ARHGAP35: variants seen among roughly 807,000 people sequenced by gnomAD.
ARHGAP35 encodes the protein Rho GTPase activating protein 35.
In ARHGAP35, 15 loss-of-function variants were observed where a neutral mutation model predicts 111.1. The ratio of observed to expected loss-of-function variants is 0.13; its 90% confidence interval spans 0.09 to 0.21. ARHGAP35 has a LOEUF of 0.21. ARHGAP35 is among the 10% of genes least tolerant of loss of function. The pLI, the probability that ARHGAP35 is intolerant of heterozygous loss-of-function variation, is 1.00. For synonymous variants in ARHGAP35, 643 were observed against 710.3 expected (o/e 0.91, Z 1.51); for missense variants, 1,262 against 1,873.0 (o/e 0.67, Z 6.02).
At position 46,921,873 on chromosome 19, in the gene ARHGAP35, A is replaced by G. The variant is rs1043226088; in HGVS notation, c.3198A>G (p.Gly1066=). The part of the protein sequence containing the change: ...LSYLDQGHRD[G]QRKSVSSSPW... ...ATTTAGACCAAGGCCATAGGGATGG[A>G]CAGAGGAAGTCTGTGTCTTCTAGCC... The change falls in exon 2 of 7, where the codon GGA becomes GGG. Residue 1066 remains glycine, a synonymous_variant. Transcript: ENST00000672722. This position sits in a 1 kb window ranked among gnomAD's most constrained non-coding sequence, Gnocchi z 4.3. The G allele has an allele frequency of 3.7e-6, 6 of 1,613,902 alleles. No individual in the cohort carries two copies. The African/African-American group carries it at 6.7e-5, about 18-fold the overall frequency.
Position 46,922,116 on chromosome 19 carries a change from C to T in ARHGAP35, c.3441C>T (p.Arg1147=). The change falls in exon 2 of 7, where the codon CGC becomes CGT. Residue 1147 remains arginine, a synonymous_variant. Transcript: ENST00000672722. This position sits in a 1 kb window ranked among gnomAD's most constrained non-coding sequence, Gnocchi z 4.0. ...EMDTSSLERG[R]KVSIVSKPVL... ...ACACCAGCTCTCTAGAGCGAGGGCG[C>T]AAGGTTTCCATCGTGAGCAAGCCAG... The T allele has an allele frequency of 6.2e-7, 1 of 1,614,012 alleles. No homozygotes were observed.
intron 3 of ARHGAP35, among the ~76,000 whole-genome samples, chr19:46,984,961 G>A (rs1003687981): frequency 6.6e-6 from 1 of 152,216 alleles, no homozygotes; most frequent in Non-Finnish European, 1.5e-5. Context: ...TCTGCAGCTC[G>A]GAGACTGCCT....
intron 1 of ARHGAP35, among the ~76,000 whole-genome samples, chr19:46,862,211 C>G (rs1020050216): frequency 1.3e-5 from 2 of 152,158 alleles, no homozygotes; most frequent in Admixed American, 1.3e-4. Context: ...CCTCCTCCCC[C>G]TTCTCTGACT....
chr19:46,866,285 A>G (rs2055856377), intron 1 of ARHGAP35, among the ~76,000 whole-genome samples: 1 of 152,046 alleles, frequency 6.6e-6, no homozygotes, highest in African/African-American at 2.4e-5. Context: ...TAGCACAAAT[A>G]CCTCCTTTGA....
intron 3 of ARHGAP35, among the ~76,000 whole-genome samples, chr19:46,987,074 C>T (rs985263842): frequency 6.0e-5 from 9 of 150,922 alleles, no homozygotes; most frequent in African/African-American, 2.2e-4. Flanking sequence ...GCTATCCACC[C>T]ACCTCGACCT....
intron 3 of ARHGAP35, among the ~76,000 whole-genome samples, chr19:46,940,866 T>A (rs1200461303): frequency 6.6e-6 from 1 of 152,174 alleles, no homozygotes; most frequent in Non-Finnish European, 1.5e-5. Context: ...CCACTTCATC[T>A]CTGCTGCCCA....
chr19:46,962,405 C>A (rs895304268), intron 3 of ARHGAP35, among the ~76,000 whole-genome samples: 1 of 152,196 alleles, frequency 6.6e-6, no homozygotes, highest in African/African-American at 2.4e-5. Context: ...GACAATGTCT[C>A]TCACCTTGAG....
At chr19:46,954,407 A>G (rs921526609) in intron 3 of ARHGAP35, among the ~76,000 whole-genome samples, 3 of 152,206 alleles carry the variant, frequency 2.0e-5, no homozygotes, top group African/African-American at 7.2e-5. Flanking sequence ...GAACACAGCA[A>G]TTGGGTCAGC....
At chr19:46,984,535 C>CT (rs2056638583) in intron 3 of ARHGAP35, among the ~76,000 whole-genome samples, 1 of 152,126 alleles carries the variant, frequency 6.6e-6, no homozygotes, top group African/African-American at 2.4e-5. Flanking sequence ...TTTTTTTAAT[C>CT]TTTTTTTAAT....
At chr19:46,984,123 C>T (rs2056636415) in intron 3 of ARHGAP35, among the ~76,000 whole-genome samples, 1 of 152,126 alleles carries the variant, frequency 6.6e-6, no homozygotes, top group African/African-American at 2.4e-5. Flanking sequence ...ACAGAAAAGG[C>T]CTGCAGCCAA....
At position 47,000,302 on chromosome 19, in the gene ARHGAP35, C is replaced by G. The variant is rs776869128; in HGVS notation, c.4143-29C>G. ...GGGCCAGGTGGGGCCCTGCACAGTTCTGACCATTGAGTTTGGTGTCGCCCG... is the reference window on the plus strand; with the variant it reads ...GGGCCAGGTGGGGCCCTGCACAGTTGTGACCATTGAGTTTGGTGTCGCCCG... On this transcript the variant is annotated intron_variant, in intron 6 of 6. Coordinates refer to ENST00000672722, the MANE Select transcript of ARHGAP35 (RefSeq NM_004491.5). This position sits in a 1 kb window ranked among gnomAD's most constrained non-coding sequence, Gnocchi z 6.9. 6.2e-7 allele frequency: 1 copy of G among 1,608,256 alleles called. No individual in the cohort carries two copies. The highest frequency in any genetic ancestry group is 2.2e-5 in the East Asian group (1 of 44,856).
chr19:46,927,144 T>C (rs1232304259), intron 2 of ARHGAP35, among the ~76,000 whole-genome samples: 1 of 152,228 alleles, frequency 6.6e-6, no homozygotes, highest in Non-Finnish European at 1.5e-5. Flanking sequence ...TTGTGTCTTT[T>C]AAACGAGGTA....
chr19:46,981,518 C>G (rs1243953416), intron 3 of ARHGAP35, among the ~76,000 whole-genome samples: 1 of 152,198 alleles, frequency 6.6e-6, no homozygotes, highest in Non-Finnish European at 1.5e-5. Flanking sequence ...TGACGCTGGC[C>G]GACAGCACTG....
chr19:46,956,321 A>G (rs2056438980), intron 3 of ARHGAP35, among the ~76,000 whole-genome samples: 1 of 152,216 alleles, frequency 6.6e-6, no homozygotes, highest in African/African-American at 2.4e-5. Context: ...CTGTCTCAAA[A>G]AAAAAATTTA....
intron 1 of ARHGAP35, among the ~76,000 whole-genome samples, chr19:46,876,634 G>C (rs971064396): frequency 2.0e-5 from 3 of 151,694 alleles, no homozygotes; most frequent in Non-Finnish European, 4.4e-5. Flanking sequence ...GCCTCCCAAA[G>C]TGCTGGGATT....
At chr19:46,915,538 G>T (rs1314585548) in intron 1 of ARHGAP35, among the ~76,000 whole-genome samples, 1 of 152,192 alleles carries the variant, frequency 6.6e-6, no homozygotes, top group African/African-American at 2.4e-5. Context: ...GCTCCCTGGT[G>T]TCAGTCAGAA....
chr19:46,969,302 C>T (rs1323622059), intron 3 of ARHGAP35, among the ~76,000 whole-genome samples: 3 of 152,136 alleles, frequency 2.0e-5, no homozygotes, highest in Non-Finnish European at 2.9e-5. Context: ...CTCAATAAAA[C>T]GGTTGTGAAA....
chr19:46,932,197 G>T (rs999649012), intron 2 of ARHGAP35, among the ~76,000 whole-genome samples: 1 of 152,208 alleles, frequency 6.6e-6, no homozygotes, highest in African/African-American at 2.4e-5. Context: ...CAGGAGAATG[G>T]CTTGAACTGA....
At chr19:46,975,275 A>G (rs116417711) in intron 3 of ARHGAP35, among the ~76,000 whole-genome samples, 1 of 152,054 alleles carries the variant, frequency 6.6e-6, no homozygotes, top group Non-Finnish European at 1.5e-5. Flanking sequence ...CCAAATATAT[A>G]TTTCTTCTAC....
Sources: allele counts gnomAD v4.1 joint callset (sites outside exome capture counted in the v4.1 genomes callset), GRCh38; gene constraint gnomAD v4.1.1; non-coding constraint Gnocchi (gnomAD v3.1); transcripts MANE v1.5; gene names NCBI Gene and HGNC (gene_info 2026-07-23, HGNC 2026-07-21).